PARD3: variants seen among roughly 807,000 people sequenced by gnomAD.
PARD3 encodes the protein par-3 family cell polarity regulator.
A neutral mutation model predicts 155.4 loss-of-function variants in PARD3; 75 were observed. The ratio of observed to expected loss-of-function variants is 0.48; its 90% CI spans 0.40 to 0.58. PARD3 has a LOEUF of 0.58. Among genes scored for constraint, PARD3 ranks in the 20% least tolerant of loss-of-function variants. PARD3 has a pLI of 0.00. For synonymous variants in PARD3, 576 were observed against 610.5 expected (o/e 0.94, Z 0.83); for missense variants, 1,642 against 1,721.7 (o/e 0.95, Z 0.82).
chr10:34,707,684 A>G (rs1204971819), intron 1 of PARD3, among the ~76,000 whole-genome samples: 1 of 152,214 alleles, frequency 6.6e-6, no homozygotes, highest in Non-Finnish European at 1.5e-5. Context: ...TACATCTTTA[A>G]AATGGTTACC....
intron 22 of PARD3, among the ~76,000 whole-genome samples, chr10:34,140,940 C>T (rs1404586793): frequency 1.3e-5 from 2 of 151,914 alleles, no homozygotes; most frequent in Admixed American, 1.3e-4. Context: ...CTTCTTTAAT[C>T]TTACCACTTG....
chr10:34,424,692 T>G (rs1250036243), intron 5 of PARD3, among the ~76,000 whole-genome samples: 1 of 151,914 alleles, frequency 6.6e-6, no homozygotes, highest in Non-Finnish European at 1.5e-5. Flanking sequence ...TTTTTGTATT[T>G]TTAGTAGAGA....
At chr10:34,478,418 A>C (rs1350235944) in intron 3 of PARD3, among the ~76,000 whole-genome samples, 1 of 152,252 alleles carries the variant, frequency 6.6e-6, no homozygotes, top group Non-Finnish European at 1.5e-5. Context: ...TATATGTTGC[A>C]CTTGAAACAA....
At chr10:34,612,230 T>TA (rs2090964755) in intron 2 of PARD3, among the ~76,000 whole-genome samples, 2 of 152,178 alleles carry the variant, frequency 1.3e-5, no homozygotes, top group Non-Finnish European at 2.9e-5. Context: ...GTGTATTTAA[T>TA]TGTATGTTTA....
At chr10:34,404,591 C>G (rs1844243803) in intron 5 of PARD3, among the ~76,000 whole-genome samples, 1 of 151,730 alleles carries the variant, frequency 6.6e-6, no homozygotes, top group African/African-American at 2.4e-5. Flanking sequence ...TGAGACAATA[C>G]AGCCATTTGT....
chr10:34,404,858 A>G (rs1844270934), intron 5 of PARD3, among the ~76,000 whole-genome samples: 1 of 152,130 alleles, frequency 6.6e-6, no homozygotes, highest in African/African-American at 2.4e-5. Context: ...GCTGAGGCAG[A>G]GAATGGCTTA....
intron 22 of PARD3, among the ~76,000 whole-genome samples, chr10:34,152,662 T>TTA (rs1296512723): frequency 7.2e-5 from 11 of 152,274 alleles, no homozygotes; most frequent in South Asian, 6.2e-4. Context: ...ATCTAATACT[T>TTA]TATGTTTTTT....
chr10:34,119,472 A>T, intron 24 of PARD3, 141 bp downstream of exon 24: 1 of 789,870 alleles, frequency 1.3e-6, no homozygotes, highest in Non-Finnish European at 1.9e-6. Flanking sequence ...AACAGTAGCC[A>T]CGGGACATTT....
chr10:34,291,232 C>CA (rs1956661781), intron 20 of PARD3, among the ~76,000 whole-genome samples: 1 of 152,148 alleles, frequency 6.6e-6, no homozygotes, highest in Admixed American at 6.6e-5. Context: ...CACTCTTGTC[C>CA]ATATGCACTG....
chr10:34,233,560 A>G (rs1285971925), intron 22 of PARD3, among the ~76,000 whole-genome samples: 1 of 152,074 alleles, frequency 6.6e-6, no homozygotes, highest in East Asian at 1.9e-4. Context: ...CAAACTCAGC[A>G]TGTTCTAAAC....
chr10:34,388,560 A>C (rs528002361), intron 7 of PARD3, among the ~76,000 whole-genome samples: 1 of 152,226 alleles, frequency 6.6e-6, no homozygotes, highest in South Asian at 2.1e-4. Context: ...ATATTTTGCA[A>C]ACTCAACTAG....
intron 5 of PARD3, among the ~76,000 whole-genome samples, chr10:34,442,370 C>A (rs1266181364): frequency 1.3e-5 from 2 of 152,170 alleles, no homozygotes. Flanking sequence ...AATGCTGTGA[C>A]CCCTCAGTCA....
At chr10:34,421,898 G>T (rs1177555004) in intron 5 of PARD3, among the ~76,000 whole-genome samples, 4 of 152,168 alleles carry the variant, frequency 2.6e-5, no homozygotes, top group Non-Finnish European at 4.4e-5. Flanking sequence ...CGTTGCAGAG[G>T]CAGCAAGATA....
chr10:34,169,272 C>T (rs887301292), intron 22 of PARD3, among the ~76,000 whole-genome samples: 1 of 152,042 alleles, frequency 6.6e-6, no homozygotes, highest in African/African-American at 2.4e-5. Context: ...TACAATTGCA[C>T]AAGAAGATAA....
At chr10:34,243,558 C>G (rs1953744502) in intron 22 of PARD3, among the ~76,000 whole-genome samples, 1 of 152,152 alleles carries the variant, frequency 6.6e-6, no homozygotes, top group Non-Finnish European at 1.5e-5. Context: ...CATAATATGG[C>G]CAGGCACGGT....
chr10:34,604,220 T>G (rs1450686741), intron 2 of PARD3, among the ~76,000 whole-genome samples: 1 of 152,058 alleles, frequency 6.6e-6, no homozygotes, highest in African/African-American at 2.4e-5. Context: ...GTCAACTTGA[T>G]TGGATTGAGG....
intron 3 of PARD3, among the ~76,000 whole-genome samples, chr10:34,475,110 T>A (rs1237667782): frequency 1.3e-5 from 2 of 152,058 alleles, no homozygotes; most frequent in Non-Finnish European, 2.9e-5. Context: ...CCTCAAAGAG[T>A]TTTTGTTTAT....
intron 2 of PARD3, among the ~76,000 whole-genome samples, chr10:34,638,841 A>G (rs1355812550): frequency 6.6e-6 from 1 of 152,236 alleles, no homozygotes; most frequent in African/African-American, 2.4e-5. Flanking sequence ...AATTGAGTTC[A>G]ATCCTCCACA....
intron 7 of PARD3, among the ~76,000 whole-genome samples, chr10:34,394,793 G>A (rs748632544): frequency 9.2e-5 from 14 of 152,022 alleles, no homozygotes; most frequent in Non-Finnish European, 1.8e-4. Flanking sequence ...TATCATTACC[G>A]TTTCTTTGTT....
Sources: allele counts gnomAD v4.1 joint callset (sites outside exome capture counted in the v4.1 genomes callset), GRCh38; gene constraint gnomAD v4.1.1; transcripts MANE v1.5; gene names NCBI Gene and HGNC (gene_info 2026-07-23, HGNC 2026-07-21).